Variants in SH3RF3 observed in about 807,000 individuals in gnomAD.
SH3RF3 encodes the protein E3 ubiquitin-protein ligase SH3RF3.
A neutral mutation model predicts 66.3 loss-of-function variants in SH3RF3; 29 were observed. That is an observed-to-expected ratio of 0.44 (90% CI 0.33 to 0.60). The LOEUF is 0.60. Among genes scored for constraint, SH3RF3 ranks in the 20% least tolerant of loss-of-function variants. The pLI is 0.04. For missense variants in SH3RF3, 1,194 were observed against 1,190.9 expected (o/e 1.00, Z -0.04); for synonymous variants, 583 against 532.0 (o/e 1.10, Z -1.32).
intron 1 of SH3RF3, among the ~76,000 whole-genome samples, chr2:109,268,358 C>T (rs1264565720): frequency 6.6e-6 from 1 of 151,906 alleles, no homozygotes; most frequent in Non-Finnish European, 1.5e-5. Flanking sequence ...TCCAAGGACC[C>T]TTAGTGGGGA....
chr2:109,415,398 G>A (rs553005165), intron 4 of SH3RF3, among the ~76,000 whole-genome samples: 2 of 152,180 alleles, frequency 1.3e-5, no homozygotes, highest in African/African-American at 4.8e-5. Context: ...ATTGTTCCAG[G>A]GGGAGTGCTC....
At chr2:109,175,961 C>G (rs555127251) in intron 1 of SH3RF3, among the ~76,000 whole-genome samples, 35 of 152,222 alleles carry the variant, frequency 2.3e-4, no homozygotes, top group African/African-American at 6.7e-4. Flanking sequence ...ATCACTTGTG[C>G]TGAAGCAGAT....
intron 4 of SH3RF3, among the ~76,000 whole-genome samples, chr2:109,411,552 G>A (rs1019024913): frequency 3.3e-5 from 5 of 152,196 alleles, no homozygotes; most frequent in Non-Finnish European, 7.3e-5. Context: ...TCAGAGGATG[G>A]ACTGACCCCA....
intron 4 of SH3RF3, among the ~76,000 whole-genome samples, chr2:109,418,963 C>T (rs1395358095): frequency 2.0e-5 from 3 of 152,124 alleles, no homozygotes; most frequent in Non-Finnish European, 2.9e-5. Context: ...GAGAGCACAG[C>T]GCACCCCTGA....
At chr2:109,259,203 C>T (rs1680294170) in intron 1 of SH3RF3, among the ~76,000 whole-genome samples, 1 of 152,214 alleles carries the variant, frequency 6.6e-6, no homozygotes, top group Non-Finnish European at 1.5e-5. Context: ...GTGTAGGCTT[C>T]TCTGGCCTTC....
chr2:109,442,858 G>A (rs1235630329), intron 7 of SH3RF3, among the ~76,000 whole-genome samples: 2 of 152,220 alleles, frequency 1.3e-5, no homozygotes, highest in African/African-American at 4.8e-5. Flanking sequence ...AATCATGTAA[G>A]TAATCACACT....
At chr2:109,134,775 C>A (rs1676780057) in intron 1 of SH3RF3, among the ~76,000 whole-genome samples, 1 of 152,194 alleles carries the variant, frequency 6.6e-6, no homozygotes, top group Non-Finnish European at 1.5e-5. Flanking sequence ...GCAGTGGCCA[C>A]CCCTTCCATT....
chr2:109,267,857 G>T (rs1471143134), intron 1 of SH3RF3, among the ~76,000 whole-genome samples: 8 of 152,196 alleles, frequency 5.3e-5, no homozygotes, highest in Non-Finnish European at 1.0e-4. Context: ...CTGCTGGACA[G>T]AGGTTGCTTG....
At chr2:109,199,961 G>A (rs1468244019) in intron 1 of SH3RF3, among the ~76,000 whole-genome samples, 1 of 150,898 alleles carries the variant, frequency 6.6e-6, no homozygotes, top group African/African-American at 2.4e-5. Flanking sequence ...GACGTTTGCA[G>A]TGTCTGGGGA....
At chr2:109,434,479 G>A (rs574843492) in intron 6 of SH3RF3, among the ~76,000 whole-genome samples, 5 of 152,316 alleles carry the variant, frequency 3.3e-5, no homozygotes, top group African/African-American at 9.6e-5. Context: ...CGCCTGGCCG[G>A]GCAACTCCTG....
chr2:109,214,377 G>A (rs985945801), intron 1 of SH3RF3, among the ~76,000 whole-genome samples: 6 of 151,800 alleles, frequency 4.0e-5, no homozygotes, highest in South Asian at 2.1e-4. Context: ...CCGGGGCCAC[G>A]TGTGCTGTGT....
At chr2:109,203,395 T>C (rs1678731406) in intron 1 of SH3RF3, among the ~76,000 whole-genome samples, 1 of 152,200 alleles carries the variant, frequency 6.6e-6, no homozygotes, top group Admixed American at 6.5e-5. Flanking sequence ...GGAGGGTGTT[T>C]CCGCGTCCCT....
chr2:109,245,649 T>C (rs1679898438), intron 1 of SH3RF3, among the ~76,000 whole-genome samples: 1 of 152,268 alleles, frequency 6.6e-6, no homozygotes, highest in South Asian at 2.1e-4. Context: ...TCATATTTGC[T>C]TCTTATCCCT....
intron 8 of SH3RF3, among the ~76,000 whole-genome samples, chr2:109,467,890 C>A (rs1678399429): frequency 6.6e-6 from 1 of 151,838 alleles, no homozygotes; most frequent in African/African-American, 2.4e-5. Flanking sequence ...ACCTCAGATG[C>A]CTGTAGCCAG....
chr2:109,309,383 G>T (rs75676612), intron 1 of SH3RF3, among the ~76,000 whole-genome samples: 36,654 of 136,416 alleles, frequency 0.27, 6,504 homozygotes, highest in African/African-American at 0.5. Flanking sequence ...ACCGGTACCA[G>T]CTGCTGCAAA....
rs75024883 is a variant in SH3RF3 at position 109,379,036 on chromosome 2, G to A, written c.945+7355G>A. On this transcript the variant is annotated intron_variant, in intron 3 of 9. Transcript: ENST00000309415. Reference sequence around the variant, plus strand: ...TCCAGAACTCTGTCTTCTCAATGCAGGGAGAGGCTAGAGAACCCAGAGACA... The same window carrying A: ...TCCAGAACTCTGTCTTCTCAATGCAAGGAGAGGCTAGAGAACCCAGAGACA... Among the ~76,000 whole-genome samples the A allele has an allele frequency of 6.3e-3, 958 of 152,256 alleles. 10 individuals are homozygous for A. The highest frequency in any genetic ancestry group is 0.047 in the East Asian group (242 of 5,170).
chr2:109,210,692 A>G (rs1015942693), intron 1 of SH3RF3, among the ~76,000 whole-genome samples: 1 of 152,168 alleles, frequency 6.6e-6, no homozygotes, highest in African/African-American at 2.4e-5. Context: ...AGGCCCAGGA[A>G]GGAGGTTGGG....
chr2:109,144,879 C>G (rs887914330), intron 1 of SH3RF3, among the ~76,000 whole-genome samples: 1 of 152,244 alleles, frequency 6.6e-6, no homozygotes, highest in Non-Finnish European at 1.5e-5. Flanking sequence ...CCTCGCTCAG[C>G]AAGCTTTGTT....
intron 4 of SH3RF3, among the ~76,000 whole-genome samples, chr2:109,402,934 G>A (rs1676353496): frequency 6.6e-6 from 1 of 152,194 alleles, no homozygotes; most frequent in Non-Finnish European, 1.5e-5. Context: ...TGGCTGGAGT[G>A]GAGATGGGCT....
Sources: allele counts gnomAD v4.1 joint callset (sites outside exome capture counted in the v4.1 genomes callset), GRCh38; gene constraint gnomAD v4.1.1; transcripts MANE v1.5; gene names NCBI Gene and HGNC (gene_info 2026-07-23, HGNC 2026-07-21).